EIF5: variants seen among roughly 807,000 people sequenced by gnomAD.
EIF5 encodes eukaryotic translation initiation factor 5.
In EIF5, 10 loss-of-function variants were observed where a neutral mutation model predicts 48.3. The ratio of observed to expected loss-of-function variants is 0.21; its 90% CI spans 0.13 to 0.35. EIF5 has a LOEUF of 0.35. Among genes scored for constraint, EIF5 ranks in the 10% least tolerant of loss-of-function variants. EIF5 has a pLI of 1.00. For missense variants in EIF5, 397 were observed against 533.2 expected, an observed-to-expected ratio of 0.74 and a Z score of 2.51; for synonymous variants, 237 against 173.1, an observed-to-expected ratio of 1.37 and a Z score of -2.90.
At position 103,337,099 on chromosome 14, in the gene EIF5, T is replaced by TG. The variant is rs2089295838; in HGVS notation, c.328-16dup. ...TTCATGTTATATTATGGATAACATT[T>TG]GTTATTTTTTTGGCAGCATGTCAAT... On this transcript the variant is annotated splice_polypyrimidine_tract_variant and intron_variant, in intron 5 of 11. Transcript: ENST00000216554. The TG allele has an allele frequency of 6.2e-7, 1 of 1,600,296 alleles. No individual in the cohort carries two copies. The highest frequency in any genetic ancestry group is 2.2e-5 in the East Asian group (1 of 44,838).
intron 2 of EIF5, chr14:103,335,028 C>G (rs1038638705): frequency 6.6e-6 from 1 of 152,240 alleles, no homozygotes; most frequent in Non-Finnish European, 1.5e-5. Flanking sequence ...GCGGAAACGC[C>G]TCGGAGCGCG....
At position 103,340,527 on chromosome 14, in the gene EIF5, G is replaced by T. The variant is rs756873332; in HGVS notation, c.1172G>T (p.Gly391Val). The T allele has an allele frequency of 1.9e-6, 3 of 1,612,916 alleles. No homozygotes were observed. In the South Asian group the frequency reaches 3.3e-5, roughly 18 times the overall value. The change falls in exon 11 of 12, where the codon GGT (glycine) becomes GTT (valine). Residue 391 changes from glycine to valine, a missense_variant. Gly to Val is a moderately radical substitution (Grantham distance 109). Transcript: ENST00000216554. The part of the protein sequence containing the change: ...WLKEAEEESS[G>V]GEEEDEDENI... Reference sequence around the variant, plus strand: ...AAGGAGGCAGAGGAAGAATCTTCTGGTGGCGAAGAAGAAGATGAAGATGAG... The same window carrying T: ...AAGGAGGCAGAGGAAGAATCTTCTGTTGGCGAAGAAGAAGATGAAGATGAG...
rs553487061 is a variant in EIF5 at position 103,339,547 on chromosome 14, C to T, written c.907-92C>T. ...CCTTTTTGAACAACTATGGTATGGGCCATGCACTTGCAGACACTCTTATTT... is the reference window on the plus strand; with the variant it reads ...CCTTTTTGAACAACTATGGTATGGGTCATGCACTTGCAGACACTCTTATTT... On this transcript the variant is annotated intron_variant, in intron 9 of 11. Coordinates refer to ENST00000216554, the MANE Select transcript of EIF5 (RefSeq NM_001969.5). 86 of 1,566,844 alleles carry T rather than the reference C, an allele frequency of 5.5e-5. 1 individual carries two copies. The South Asian group carries it at 9.0e-4, about 16-fold the overall frequency.
chr14:103,342,178 A>C lies in EIF5; in HGVS notation c.*1126A>C, dbSNP rs2089361475. On this transcript the variant is annotated 3_prime_UTR_variant, in exon 12 of 12. Coordinates refer to ENST00000216554, the MANE Select transcript of EIF5 (RefSeq NM_001969.5). ...TTCCAGAATGTCTTATTTAAAAAGA[A>C]AGCTAAAAGCATACTTCTAAGTCAG... The C allele has an allele frequency of 6.6e-6, 1 of 152,604 alleles. No homozygotes were observed. Among genetic ancestry groups the C allele is most frequent in the African/African-American group, 2.4e-5 (1 of 41,428 alleles). 9.5% of individuals were successfully genotyped at this position (152,604 alleles called of 1,614,324 possible).
Position 103,339,320 on chromosome 14 carries a change from G to T in EIF5, c.893G>T (p.Arg298Leu), listed in dbSNP as rs1260507504. 2 of 1,591,566 alleles carry T rather than the reference G, an allele frequency of 1.3e-6. No homozygotes were observed. Among genetic ancestry groups the T allele is most frequent in the Non-Finnish European group, 1.7e-6 (2 of 1,174,278 alleles). ...AGAGAACAGATTAAGAAATACAGGC[G>T]CCATTTCCTACGAGTAAGCAAAGTG... Reference protein sequence around the residue: ...KIREQIKKYRRHFLRFCHNNK... With the variant: ...KIREQIKKYRLHFLRFCHNNK... Residue 298 changes from arginine (R) to leucine (L), a missense_variant, in exon 9 of 12, where the codon CGC (arginine) becomes CTC (leucine). Arg to Leu is a moderately radical substitution (Grantham distance 102). Coordinates refer to ENST00000216554, the MANE Select transcript of EIF5 (RefSeq NM_001969.5).
At position 103,337,495 on chromosome 14, in the gene EIF5, C is replaced by T. The variant is rs372976501; in HGVS notation, c.439+268C>T. On this transcript the variant is annotated intron_variant, in intron 6 of 11. Coordinates refer to ENST00000216554, the MANE Select transcript of EIF5 (RefSeq NM_001969.5). The stretch of plus-strand genomic sequence containing the variant: ...TGTGCTCCTGTAATCCCAGCTACTC[C>T]GGTAGCTGAGGCATGAGCGTCGCTT... 95 of 403,240 alleles carry T rather than the reference C, an allele frequency of 2.4e-4. 2 individuals are homozygous for T. In the South Asian group the frequency reaches 2.4e-3, roughly 10 times the overall value. The allele number at this position is 403,240 out of a possible 1,614,324, so 25.0% of individuals were successfully genotyped here.
intron 4 of EIF5, 99 bp from the exon 5 acceptor site, chr14:103,336,578 T>C (rs1341287788): frequency 2.4e-6 from 3 of 1,243,566 alleles, no homozygotes; most frequent in African/African-American, 3.4e-5. Context: ...GAGACTCTTG[T>C]CTCAAAAAAA....
At chr14:103,339,097 G>A (rs145996139) in intron 8 of EIF5, 75 bp from the exon 9 acceptor site, 32 of 1,532,826 alleles carry the variant, frequency 2.1e-5, no homozygotes, top group Non-Finnish European at 2.2e-5. Context: ...GTTCATCAGA[G>A]CAGGGACTGG....
rs900748744 is a variant in EIF5 at position 103,342,344 on chromosome 14, C to G, written c.*1292C>G. On this transcript the variant is annotated 3_prime_UTR_variant, in exon 12 of 12. Transcript: ENST00000216554. ...ATGCAGGGCTTTAGATTTGGACACA[C>G]AAGAGTTGATAACTTCCTCATGAAC... The G allele has an allele frequency of 6.6e-6, 1 of 152,144 alleles. No homozygotes were observed. The highest frequency in any genetic ancestry group is 1.5e-5 in the Non-Finnish European group (1 of 68,040). 9.4% of individuals were successfully genotyped at this position (152,144 alleles called of 1,614,324 possible).
At chr14:103,339,103 A>G in intron 8 of EIF5, 69 bp from the exon 9 acceptor site, 3 of 1,541,772 alleles carry the variant, frequency 1.9e-6, no homozygotes, top group African/African-American at 1.4e-5. Context: ...CAGAGCAGGG[A>G]CTGGCTGGTG....
At chr14:103,340,028 T>A (rs1333216186) in intron 10 of EIF5, among the ~76,000 whole-genome samples, 1 of 152,136 alleles carries the variant, frequency 6.6e-6, no homozygotes, top group Non-Finnish European at 1.5e-5. Flanking sequence ...CCAGCTAATT[T>A]TTGTATTTTT....
intron 6 of EIF5, chr14:103,337,429 AC>A: frequency 1.9e-6 from 1 of 540,524 alleles, no homozygotes; most frequent in Non-Finnish European, 3.2e-6. Context: ...ACATAGTGAA[AC>A]CCGTCTACTA....
chr14:103,340,466 A>G lies in EIF5; in HGVS notation c.1111A>G (p.Ile371Val). 1 of 1,609,158 alleles carries G rather than the reference A, an allele frequency of 6.2e-7. No homozygotes were observed. The highest frequency in any genetic ancestry group is 8.5e-7 in the Non-Finnish European group (1 of 1,175,664). Residue 371 changes from isoleucine (I) to valine (V), a missense_variant, in exon 11 of 12, where the codon ATT (isoleucine) becomes GTT (valine). Ile to Val is a conservative substitution (Grantham distance 29). This residue lies in a region of EIF5 where 160 missense variants were observed against 184.8 expected (regional missense o/e 0.87). Coordinates refer to ENST00000216554, the MANE Select transcript of EIF5 (RefSeq NM_001969.5). ...TGTCTCCAAAGAACTTGCCAAAGAG[A>G]TTCGTGTCAAAGCAGAACCATTTAT... ...KYVSKELAKEIRVKAEPFIKW... is the reference protein window; with the variant it reads ...KYVSKELAKEVRVKAEPFIKW...
rs559897906 is a variant in EIF5, at chr14:103,342,282, C to T, written c.*1230C>T. 1 of 152,352 alleles carries T rather than the reference C, an allele frequency of 6.6e-6. No individual in the cohort carries two copies. Among genetic ancestry groups the T allele is most frequent in the East Asian group, 1.9e-4 (1 of 5,184 alleles). The allele number at this position is 152,352 out of a possible 1,614,324, so 9.4% of individuals were successfully genotyped here. A position where few individuals can be genotyped will look rare whatever the true frequency, so the allele number is the denominator to read the frequency against. On this transcript the variant is annotated 3_prime_UTR_variant, in exon 12 of 12. Transcript: ENST00000216554. ...GCCAGGCACCCAAGAAGTCTGATGGCCACCTGAGTGCAGGTGACAAGGACC... is the reference window on the plus strand; with the variant it reads ...GCCAGGCACCCAAGAAGTCTGATGGTCACCTGAGTGCAGGTGACAAGGACC...
chr14:103,338,932 A>G, intron 8 of EIF5, 39 bp downstream of exon 8: 1 of 1,601,396 alleles, frequency 6.2e-7, no homozygotes, highest in Non-Finnish European at 8.5e-7. Flanking sequence ...GCTTCAACCC[A>G]GCCTTGTTTG....
chr14:103,344,452 AATT>A lies in EIF5; in HGVS notation c.*3404_*3406del, dbSNP rs1210117805. ...GACCCTGCAGTTCGGTTATGCAGTC[AATT>A]ATTTCTTTTTAAGAGGAGGAGGATT... On this transcript the variant is annotated 3_prime_UTR_variant, in exon 12 of 12. Transcript: ENST00000216554. 7 of 152,352 alleles carry A rather than the reference AATT, an allele frequency of 4.6e-5. No homozygotes were observed. The highest frequency in any genetic ancestry group is 1.4e-4 in the African/African-American group (6 of 41,580). 9.4% of individuals were successfully genotyped at this position (152,352 alleles called of 1,614,324 possible). A position where few individuals can be genotyped will look rare whatever the true frequency, so the allele number is the denominator to read the frequency against.
In EIF5 at chr14:103,338,468, C is replaced by A. The variant is rs1167591026; in HGVS notation, c.581C>A (p.Thr194Lys). 4 of 1,566,990 alleles carry A rather than the reference C, an allele frequency of 2.6e-6. No individual in the cohort carries two copies. The Admixed American group carries it at 5.7e-5, about 22-fold the overall frequency. The change falls in exon 7 of 12, where the codon ACA becomes AAA. Residue 194 changes from threonine (T) to lysine (K), a missense_variant. Coordinates refer to ENST00000216554, the MANE Select transcript of EIF5 (RefSeq NM_001969.5). Reference sequence around the variant, plus strand: ...AATGAAATTAATCCTCCTCCACATACAATGGTGAGTGCAGGGTTGATGGCC... The same window carrying A: ...AATGAAATTAATCCTCCTCCACATAAAATGGTGAGTGCAGGGTTGATGGCC... ...PPNEINPPPH[T>K]MEEEEDDDWG...
rs1454340190 is a variant in EIF5, at chr14:103,341,821, GTAGT to G, written c.*772_*775del. The G allele has an allele frequency of 2.0e-5, 3 of 152,594 alleles. No homozygotes were observed. Among genetic ancestry groups the G allele is most frequent in the South Asian group, 2.1e-4 (1 of 4,834 alleles). The allele number at this position is 152,594 out of a possible 1,614,324, so 9.5% of individuals were successfully genotyped here. On this transcript the variant is annotated 3_prime_UTR_variant, in exon 12 of 12. Transcript: ENST00000216554. ...TTAACAAGCATTTTGTGTGTACGTA[GTAGT>G]TACTTTGTACTGAGAGAACTTGCTT...
In EIF5 at chr14:103,335,997, CAG is replaced by C. The variant is rs769721934; in HGVS notation, c.73-38_73-37del. The stretch of plus-strand genomic sequence containing the variant: ...GTAGAATTTTGAAGTTTGCATTTGT[CAG>C]GGGAAACTGCACAACTAAAATTCTT... On this transcript the variant is annotated intron_variant, in intron 3 of 11. Transcript: ENST00000216554. 16 of 1,613,620 alleles carry C rather than the reference CAG, an allele frequency of 9.9e-6. No individual in the cohort carries two copies. In the African/African-American group the frequency reaches 2.1e-4, roughly 22 times the overall value.
Sources: gnomAD v4.1 joint callset for allele counts (sites outside exome capture counted in the v4.1 genomes callset) on GRCh38, gnomAD v4.1.1 for gene constraint, gnomAD v4.1.1 regional missense constraint, MANE v1.5 for transcripts, NCBI Gene and HGNC (gene_info 2026-07-23, HGNC 2026-07-21) for gene names.